Variants in NREP observed in about 807,000 individuals in gnomAD.
The protein encoded by NREP is neuronal regeneration related protein.
In NREP, 5 loss-of-function variants were observed where a neutral mutation model predicts 8.6. The observed-to-expected ratio is 0.58, with a 90% CI of 0.30 to 1.22. NREP has a LOEUF of 1.22. Ranked by LOEUF, NREP falls within the 50% of genes most tolerant of loss-of-function variation. NREP has a pLI of 0.07. For synonymous variants in NREP, 27 were observed against 28.0 expected, an observed-to-expected ratio of 0.96 and a Z score of 0.11; for missense variants, 86 against 82.5, an observed-to-expected ratio of 1.04 and a Z score of -0.17.
intron 2 of NREP, among the ~76,000 whole-genome samples, chr5:111,819,316 C>T (rs1008249981): frequency 5.3e-5 from 8 of 152,124 alleles, no homozygotes; most frequent in African/African-American, 1.7e-4. Flanking sequence ...AATAGCTAAA[C>T]GGAATTAGCA....
At chr5:111,796,694 T>C (rs974482672) in intron 2 of NREP, among the ~76,000 whole-genome samples, 1 of 152,228 alleles carries the variant, frequency 6.6e-6, no homozygotes, top group Non-Finnish European at 1.5e-5. Flanking sequence ...TAAGTGCTAA[T>C]AGATAACTCA....
upstream of NREP, chr5:111,757,688 C>G: frequency 1.0e-6 from 1 of 984,090 alleles, no homozygotes; most frequent in Non-Finnish European, 1.2e-6. Flanking sequence ...GCGCGGCGCC[C>G]CGGGGAGACA....
intron 2 of NREP, among the ~76,000 whole-genome samples, chr5:111,812,080 G>A (rs554977119): frequency 1.3e-5 from 2 of 152,172 alleles, no homozygotes; most frequent in African/African-American, 4.8e-5. Context: ...CTGAGTGCAG[G>A]AGTTTGAGAC....
intron 2 of NREP, among the ~76,000 whole-genome samples, chr5:111,926,126 T>G (rs1008823542): frequency 2.6e-5 from 4 of 152,082 alleles, no homozygotes; most frequent in Non-Finnish European, 4.4e-5. Flanking sequence ...CTTTTATTTG[T>G]CTAAGGTCTT....
At chr5:111,803,564 G>A (rs1752066153) in intron 2 of NREP, among the ~76,000 whole-genome samples, 1 of 152,058 alleles carries the variant, frequency 6.6e-6, no homozygotes, top group South Asian at 2.1e-4. Flanking sequence ...AACAATAAAA[G>A]CTTATCTTTT....
chr5:111,825,427 T>G (rs1752599622), intron 2 of NREP, among the ~76,000 whole-genome samples: 1 of 152,142 alleles, frequency 6.6e-6, no homozygotes, highest in South Asian at 2.1e-4. Flanking sequence ...ACTCCACAAC[T>G]GCAATGACAT....
chr5:111,742,645 G>A (rs1395910362), intron 2 of NREP, among the ~76,000 whole-genome samples: 3 of 152,046 alleles, frequency 2.0e-5, no homozygotes, highest in Non-Finnish European at 4.4e-5. Context: ...TTTTCACCAC[G>A]ACTTAAAACC....
intron 2 of NREP, among the ~76,000 whole-genome samples, chr5:111,937,471 A>G (rs1284015290): frequency 6.6e-6 from 1 of 152,064 alleles, no homozygotes; most frequent in East Asian, 1.9e-4. Context: ...TTTTCTATAT[A>G]CAGCTCTCAA....
chr5:111,898,132 G>C (rs964813533), intron 2 of NREP, among the ~76,000 whole-genome samples: 3 of 152,128 alleles, frequency 2.0e-5, no homozygotes, highest in African/African-American at 7.2e-5. Context: ...AGAGCCACTG[G>C]AGAGTTTTGA....
At chr5:111,976,438 T>C (rs927910269) in intron 1 of NREP, among the ~76,000 whole-genome samples, 1 of 152,194 alleles carries the variant, frequency 6.6e-6, no homozygotes, top group Non-Finnish European at 1.5e-5. Context: ...CTCAGCCTCC[T>C]TGGAAGCAGG....
intron 2 of NREP, among the ~76,000 whole-genome samples, chr5:111,893,939 C>T (rs762968383): frequency 4.0e-5 from 6 of 151,854 alleles, no homozygotes; most frequent in South Asian, 2.1e-4. Flanking sequence ...AATAACAGGC[C>T]GGGCGCAGTG....
At chr5:111,914,119 T>C (rs140267765) in intron 2 of NREP, among the ~76,000 whole-genome samples, 24 of 152,234 alleles carry the variant, frequency 1.6e-4, no homozygotes, top group Admixed American at 9.8e-4. Flanking sequence ...TTTAGGTCCA[T>C]AGATCACTGT....
intron 2 of NREP, among the ~76,000 whole-genome samples, chr5:111,805,752 C>T (rs1438392226): frequency 7.5e-6 from 1 of 133,394 alleles, no homozygotes; most frequent in African/African-American, 2.8e-5. Flanking sequence ...ATGTTTACTA[C>T]ACAGAGATAG....
chr5:111,882,377 G>T (rs539285669), intron 2 of NREP, among the ~76,000 whole-genome samples: 1 of 152,340 alleles, frequency 6.6e-6, no homozygotes, highest in East Asian at 1.9e-4. Flanking sequence ...AAGTGACGGG[G>T]AGAATGGAAC....
intron 2 of NREP, among the ~76,000 whole-genome samples, chr5:111,852,708 T>A (rs1753339720): frequency 6.6e-6 from 1 of 152,068 alleles, no homozygotes; most frequent in Non-Finnish European, 1.5e-5. Context: ...GGGAGGTAAG[T>A]CTTCCTTAGG....
intron 2 of NREP, among the ~76,000 whole-genome samples, chr5:111,944,681 T>C (rs1432409755): frequency 2.6e-5 from 4 of 152,250 alleles, no homozygotes; most frequent in South Asian, 2.1e-4. Context: ...ATTGGTTCTC[T>C]CTTGACTCAA....
intron 2 of NREP, among the ~76,000 whole-genome samples, chr5:111,820,647 C>G (rs1019852737): frequency 1.3e-5 from 2 of 151,574 alleles, no homozygotes; most frequent in Non-Finnish European, 2.9e-5. Context: ...ATTGTTAGTG[C>G]TTTTCTACAC....
At chr5:111,772,245 A>C (rs1751248124) in intron 2 of NREP, among the ~76,000 whole-genome samples, 1 of 152,158 alleles carries the variant, frequency 6.6e-6, no homozygotes, top group African/African-American at 2.4e-5. Context: ...TCTCAATCAC[A>C]GTATATTTGG....
intron 2 of NREP, among the ~76,000 whole-genome samples, chr5:111,924,198 G>A (rs1755321693): frequency 6.6e-6 from 1 of 152,138 alleles, no homozygotes; most frequent in African/African-American, 2.4e-5. Context: ...ATCCCCTATT[G>A]GCTAAGAAAT....
Sources: allele counts gnomAD v4.1 joint callset (sites outside exome capture counted in the v4.1 genomes callset), GRCh38; gene constraint gnomAD v4.1.1; transcripts MANE v1.5; gene names NCBI Gene and HGNC (gene_info 2026-07-23, HGNC 2026-07-21).